Variants in PLBD1 observed in about 807,000 individuals in gnomAD.
The protein encoded by PLBD1 is phospholipase B domain containing 1, also known as lysosomal leucine aminopeptidase.
Under a neutral mutation model 63.0 loss-of-function variants are expected in PLBD1, and 60 were observed. The ratio of observed to expected loss-of-function variants is 0.95; its 90% CI spans 0.77 to 1.18. The LOEUF is 1.18. Ranked by LOEUF, PLBD1 falls within the 50% of genes most tolerant of loss-of-function variation. The pLI, the probability that PLBD1 is intolerant of heterozygous loss-of-function variation, is 0.00. For missense variants in PLBD1, 598 were observed against 677.9 expected, an observed-to-expected ratio of 0.88 and a Z score of 1.31; for synonymous variants, 262 against 248.0, an observed-to-expected ratio of 1.06 and a Z score of -0.53.
intron 2 of PLBD1, among the ~76,000 whole-genome samples, chr12:14,547,922 AC>A (rs1402974657): frequency 6.6e-6 from 1 of 152,068 alleles, no homozygotes; most frequent in African/African-American, 2.4e-5. Flanking sequence ...CCTGGCTCCT[AC>A]TCACAAGCGT....
In PLBD1 at chr12:14,506,299, T is replaced by G. The variant is rs113022440; in HGVS notation, c.1373-31A>C. On this transcript the variant is annotated intron_variant, in intron 9 of 10. Transcript: ENST00000240617. ...AAACAGAAATGGGGAAGAGAGTGAT[T>G]ATTGGCTATTTGGAGACACACTTCT... The G allele has an allele frequency of 3.2e-3, 4,737 of 1,477,608 alleles. 140 individuals carry two copies. In the African/African-American group the frequency reaches 0.059, roughly 18 times the overall value. 91.5% of individuals were successfully genotyped at this position (1,477,608 alleles called of 1,614,324 possible). A position where few individuals can be genotyped will look rare whatever the true frequency, so the allele number is the denominator to read the frequency against.
chr12:14,535,724 T>C lies in PLBD1; in HGVS notation c.779A>G (p.His260Arg). 1 of 1,613,908 alleles carries C rather than the reference T, an allele frequency of 6.2e-7. No individual in the cohort carries two copies. The change falls in exon 6 of 11, where the codon CAC becomes CGC. Residue 260 changes from histidine (H) to arginine (R), a missense_variant. By Grantham distance (29) the His-to-Arg change is conservative (BLOSUM62 0). Coordinates refer to ENST00000240617, the MANE Select transcript of PLBD1 (RefSeq NM_024829.6). ...TTTATCTATGACGTTGAAGTCCCAG[T>C]GTTTATATATCCTGAGCATGGCTGC... Reference protein sequence around the residue: ...TYAAMLRIYKHWDFNVIDKDT... With the variant: ...TYAAMLRIYKRWDFNVIDKDT...
Position 14,511,449 on chromosome 12 carries a change from G to T in PLBD1, c.1046-49C>A, listed in dbSNP as rs1204983234. The T allele has an allele frequency of 2.5e-6, 4 of 1,613,484 alleles. No homozygotes were observed. In the Admixed American group the frequency reaches 6.7e-5, roughly 27 times the overall value. ...ACGGGGCATGGGTATGACTTTACTGGTTAACAAGCCTAAATCAAAATATAT... is the reference window on the plus strand; with the variant it reads ...ACGGGGCATGGGTATGACTTTACTGTTTAACAAGCCTAAATCAAAATATAT... On this transcript the variant is annotated intron_variant, in intron 7 of 10. Transcript: ENST00000240617.
In PLBD1 at chr12:14,537,259, A is replaced by G. The variant is rs566243159; in HGVS notation, c.559-549T>C. On this transcript the variant is annotated intron_variant, in intron 4 of 10. Transcript: ENST00000240617. ...ATTTGGGAGTGGCTCCTTGGAGAGT[A>G]AAACAGAGCTTTCTGTTTGCACTCT... is the stretch of plus-strand genomic sequence containing the variant. 1.1e-4 allele frequency among the ~76,000 whole-genome samples: 16 copies of G among 152,246 alleles called. No homozygotes were observed. The South Asian group carries it at 3.3e-3, about 32-fold the overall frequency.
At chr12:14,506,732 A>T (rs947733642) in intron 9 of PLBD1, among the ~76,000 whole-genome samples, 1 of 152,122 alleles carries the variant, frequency 6.6e-6, no homozygotes, top group Non-Finnish European at 1.5e-5. Context: ...TCAATTAAAA[A>T]ATGTATAGAC....
At position 14,553,206 on chromosome 12, in the gene PLBD1, A is replaced by C. The variant is rs1238186600; in HGVS notation, c.322T>G (p.Tyr108Asp). Reference sequence around the variant, plus strand: ...TGGGATACTTACGGGGCAGTGAGGTAACCCTCCAAAAAGCCAGCCACAAAC... The same window carrying C: ...TGGGATACTTACGGGGCAGTGAGGTCACCCTCCAAAAAGCCAGCCACAAAC... The part of the protein sequence containing the change: ...IMFVAGFLEG[Y>D]LTAPHMNDHY... Residue 108 changes from tyrosine to aspartate, a missense_variant, in exon 2 of 11, where the codon TAC (tyrosine) becomes GAC (aspartate). Physicochemically the swap from Tyr to Asp is radical, Grantham distance 160. Coordinates refer to ENST00000240617, the MANE Select transcript of PLBD1 (RefSeq NM_024829.6). 1.9e-6 allele frequency: 3 copies of C among 1,611,638 alleles called. No homozygotes were observed. In the East Asian group the frequency reaches 6.7e-5, roughly 36 times the overall value.
At chr12:14,527,411 G>T (rs1945424971) in intron 6 of PLBD1, among the ~76,000 whole-genome samples, 1 of 152,046 alleles carries the variant, frequency 6.6e-6, no homozygotes, top group Admixed American at 6.6e-5. Context: ...GAGGATACAT[G>T]CTCCCAAAAC....
chr12:14,535,961 T>C, intron 5 of PLBD1, 158 bp from the exon 6 acceptor site: 1 of 671,608 alleles, frequency 1.5e-6, no homozygotes. Context: ...AGATTAACCT[T>C]TAATGTGGCC....
chr12:14,547,802 C>T (rs896314654), intron 2 of PLBD1, among the ~76,000 whole-genome samples: 2 of 152,104 alleles, frequency 1.3e-5, no homozygotes. Context: ...TTCCCTGAGT[C>T]AGAGACCATA....
intron 6 of PLBD1, among the ~76,000 whole-genome samples, chr12:14,519,162 G>C (rs1003600772): frequency 6.6e-6 from 1 of 152,166 alleles, no homozygotes; most frequent in Admixed American, 6.5e-5. Context: ...TCCTAAACCC[G>C]TGATATGGAC....
At chr12:14,552,122 C>G (rs1374796422) in intron 2 of PLBD1, among the ~76,000 whole-genome samples, 1 of 152,174 alleles carries the variant, frequency 6.6e-6, no homozygotes, top group Non-Finnish European at 1.5e-5. Context: ...ATTTCACTTA[C>G]TATGACTAAG....
chr12:14,512,013 T>C (rs555410437), intron 6 of PLBD1, among the ~76,000 whole-genome samples: 1 of 152,316 alleles, frequency 6.6e-6, no homozygotes, highest in South Asian at 2.1e-4. Context: ...GATAAACAGA[T>C]GTAGATCCCG....
At chr12:14,533,875 T>A (rs965367709) in intron 6 of PLBD1, among the ~76,000 whole-genome samples, 14 of 152,322 alleles carry the variant, frequency 9.2e-5, no homozygotes, top group African/African-American at 2.9e-4. Flanking sequence ...CCGGACATGA[T>A]TGCTCACACC....
At chr12:14,533,742 C>T (rs2136918931) in intron 6 of PLBD1, among the ~76,000 whole-genome samples, 1 of 152,322 alleles carries the variant, frequency 6.6e-6, no homozygotes, top group Middle Eastern at 3.4e-3. Flanking sequence ...CAGTCCCCCT[C>T]AATGCTAAAA....
At chr12:14,525,439 T>A (rs1297324323) in intron 6 of PLBD1, among the ~76,000 whole-genome samples, 1 of 151,904 alleles carries the variant, frequency 6.6e-6, no homozygotes, top group Non-Finnish European at 1.5e-5. Flanking sequence ...GATAAATGAC[T>A]GGAGTCCCAG....
At position 14,565,047 on chromosome 12, in the gene PLBD1, C is replaced by T. The variant is rs548201151; in HGVS notation, c.115+2535G>A. On this transcript the variant is annotated intron_variant, in intron 1 of 10. Transcript: ENST00000240617. ...GGGGCTTTTGGTCTGGAAAGATAAA[C>T]GCAACACCATATGTCTGAAATCATA... 7.9e-5 allele frequency among the ~76,000 whole-genome samples: 12 copies of T among 152,252 alleles called. No homozygotes were observed. The South Asian group carries it at 2.1e-3, about 26-fold the overall frequency.
At chr12:14,558,716 C>T (rs1278565462) in intron 1 of PLBD1, among the ~76,000 whole-genome samples, 1 of 152,214 alleles carries the variant, frequency 6.6e-6, no homozygotes, top group Non-Finnish European at 1.5e-5. Flanking sequence ...TTCCAATCAA[C>T]TCCTTTTTGC....
intron 6 of PLBD1, among the ~76,000 whole-genome samples, chr12:14,517,904 G>A (rs768001915): frequency 3.3e-5 from 5 of 152,346 alleles, no homozygotes; most frequent in Non-Finnish European, 7.3e-5. Context: ...ATGTTGGCCT[G>A]GCACAGTGGC....
intron 6 of PLBD1, among the ~76,000 whole-genome samples, chr12:14,526,174 C>T (rs1411600292): frequency 8.6e-5 from 13 of 152,046 alleles, no homozygotes; most frequent in Admixed American, 8.5e-4. Context: ...ATGTAAATGA[C>T]CCAAACACTT....
Sources: allele counts gnomAD v4.1 joint callset (sites outside exome capture counted in the v4.1 genomes callset), GRCh38; gene constraint gnomAD v4.1.1; transcripts MANE v1.5; gene names NCBI Gene and HGNC (gene_info 2026-07-23, HGNC 2026-07-21).